VWA8: variants seen among roughly 807,000 people sequenced by gnomAD.
VWA8 encodes von Willebrand factor A domain-containing protein 8.
In VWA8, 221 loss-of-function variants were observed where a neutral mutation model predicts 241.5. The ratio of observed to expected loss-of-function variants is 0.91; its 90% CI spans 0.82 to 1.02. The LOEUF (loss-of-function observed/expected upper bound fraction) is 1.02. Among genes scored for constraint, VWA8 ranks in the 50% least tolerant of loss-of-function variants. The pLI, the probability that VWA8 is intolerant of heterozygous loss-of-function variation, is 0.00. For missense variants in VWA8, 2,322 were observed against 2,328.7 expected, an observed-to-expected ratio of 1.00 and a Z score of 0.06; for synonymous variants, 852 against 827.1, an observed-to-expected ratio of 1.03 and a Z score of -0.52.
chr13:41,818,392 T>C (rs895829475), intron 15 of VWA8, among the ~76,000 whole-genome samples: 2 of 150,946 alleles, frequency 1.3e-5, no homozygotes, highest in Non-Finnish European at 3.0e-5. Flanking sequence ...GCCAACATGG[T>C]GAAACCCCGT....
chr13:41,642,219 G>A (rs2044800113), intron 37 of VWA8, among the ~76,000 whole-genome samples: 1 of 152,160 alleles, frequency 6.6e-6, no homozygotes, highest in African/African-American at 2.4e-5. Context: ...ATAGAAAGAA[G>A]CATACATGCT....
intron 17 of VWA8, among the ~76,000 whole-genome samples, chr13:41,806,105 T>C (rs1870195406): frequency 2.0e-5 from 3 of 151,150 alleles, no homozygotes; most frequent in Admixed American, 2.0e-4. Context: ...CACAAATACA[T>C]GGAAACTAAA....
At chr13:41,782,215 A>G (rs1868918987) in intron 19 of VWA8, among the ~76,000 whole-genome samples, 1 of 152,248 alleles carries the variant, frequency 6.6e-6, no homozygotes, top group African/African-American at 2.4e-5. Context: ...TGTCCATGTC[A>G]CAAACACCAT....
At chr13:41,733,705 T>A (rs1465466887) in intron 21 of VWA8, among the ~76,000 whole-genome samples, 7 of 152,050 alleles carry the variant, frequency 4.6e-5, no homozygotes, top group Admixed American at 4.6e-4. Context: ...TATCCCCCAA[T>A]TCGGCCCTTA....
At chr13:41,569,762 T>C (rs2044287918) in intron 44 of VWA8, among the ~76,000 whole-genome samples, 1 of 152,150 alleles carries the variant, frequency 6.6e-6, no homozygotes, top group African/African-American at 2.4e-5. Flanking sequence ...TAAATGTTAT[T>C]GTGTTCAAGT....
chr13:41,645,592 A>G (rs979226825), intron 37 of VWA8, among the ~76,000 whole-genome samples: 50 of 152,290 alleles, frequency 3.3e-4, no homozygotes, highest in African/African-American at 1.2e-3. Context: ...GAACTCCTGA[A>G]AACATGTTTG....
intron 29 of VWA8, among the ~76,000 whole-genome samples, chr13:41,694,617 AC>A (rs2045203038): frequency 6.6e-6 from 1 of 152,100 alleles, no homozygotes; most frequent in African/African-American, 2.4e-5. Context: ...TTGAATGAGT[AC>A]TTTTTGATGG....
chr13:41,761,039 G>T, intron 21 of VWA8, 89 bp downstream of exon 21: 1 of 1,279,574 alleles, frequency 7.8e-7, no homozygotes, highest in Non-Finnish European at 1.1e-6. Context: ...TATAAAATGG[G>T]CCTCTAAGAA....
At chr13:41,756,805 T>A (rs1476997219) in intron 21 of VWA8, among the ~76,000 whole-genome samples, 1 of 151,720 alleles carries the variant, frequency 6.6e-6, no homozygotes, top group Non-Finnish European at 1.5e-5. Flanking sequence ...TCTAAATTGA[T>A]ACTATACACT....
At chr13:41,885,657 G>A (rs1372498436) in intron 8 of VWA8, among the ~76,000 whole-genome samples, 1 of 152,180 alleles carries the variant, frequency 6.6e-6, no homozygotes, top group East Asian at 1.9e-4. Context: ...TACTTGATCA[G>A]GCTAAAGCCT....
chr13:41,568,397 C>T (rs1424633010), intron 44 of VWA8, 92 bp from the exon 45 acceptor site: 1 of 983,314 alleles, frequency 1.0e-6, no homozygotes, highest in East Asian at 2.4e-5. Flanking sequence ...CTAATGGTTT[C>T]TTAGGAAAGG....
chr13:41,572,583 T>C (rs897444243), intron 43 of VWA8, among the ~76,000 whole-genome samples: 2 of 151,950 alleles, frequency 1.3e-5, no homozygotes, highest in Non-Finnish European at 2.9e-5. Context: ...GTTAAACAGA[T>C]GCTTGAAGGC....
intron 2 of VWA8, among the ~76,000 whole-genome samples, chr13:41,931,666 T>A (rs1315396590): frequency 2.0e-5 from 3 of 151,690 alleles, no homozygotes; most frequent in Non-Finnish European, 2.9e-5. Flanking sequence ...TCTATATATA[T>A]CTCATAACAT....
At chr13:41,699,809 A>G (rs1486490026) in intron 28 of VWA8, among the ~76,000 whole-genome samples, 1 of 152,158 alleles carries the variant, frequency 6.6e-6, no homozygotes, top group East Asian at 1.9e-4. Context: ...TTACTATAAA[A>G]TCTCTGTCTT....
chr13:41,751,657 C>A (rs2045656960), intron 21 of VWA8, among the ~76,000 whole-genome samples: 1 of 77,712 alleles, frequency 1.3e-5, no homozygotes, highest in South Asian at 6.7e-4. Flanking sequence ...TCATTCACTC[C>A]AGGATATTTG....
At position 41,883,477 on chromosome 13, in the gene VWA8, C is replaced by T; in HGVS notation, c.990G>A (p.Met330Ile). 1.9e-6 allele frequency: 3 copies of T among 1,612,966 alleles called. No individual in the cohort carries two copies. The highest frequency in any genetic ancestry group is 2.5e-6 in the Non-Finnish European group (3 of 1,179,328). The change falls in exon 9 of 45, where the codon ATG (methionine) becomes ATA (isoleucine). Residue 330 changes from methionine (M) to isoleucine (I), a missense_variant. Met to Ile is a conservative substitution (Grantham distance 10, BLOSUM62 1). Transcript: ENST00000379310. The part of the protein sequence containing the change: ...AAVQILDSFP[M>I]MPIKHAIQWL... ...ACTGGATTGCATGTTTGATTGGCATCATAGGAAAGGAATCCTATGTAGGAG... is the reference window on the plus strand; with the variant it reads ...ACTGGATTGCATGTTTGATTGGCATTATAGGAAAGGAATCCTATGTAGGAG...
At chr13:41,933,079 T>C (rs927609724) in intron 2 of VWA8, among the ~76,000 whole-genome samples, 18 of 152,090 alleles carry the variant, frequency 1.2e-4, no homozygotes, top group African/African-American at 3.4e-4. Context: ...ATTGTTTATA[T>C]AGAAAATGTG....
chr13:41,652,683 A>G (rs1458975331), intron 37 of VWA8, among the ~76,000 whole-genome samples: 1 of 152,232 alleles, frequency 6.6e-6, no homozygotes, highest in African/African-American at 2.4e-5. Context: ...TGATGGAACC[A>G]GAAAGAGGAT....
intron 37 of VWA8, among the ~76,000 whole-genome samples, chr13:41,656,290 G>A (rs569099683): frequency 1.4e-4 from 22 of 152,288 alleles, no homozygotes; most frequent in African/African-American, 5.3e-4. Context: ...TCCTACGAGG[G>A]TTCTACAGAT....
Sources: allele counts gnomAD v4.1 joint callset (sites outside exome capture counted in the v4.1 genomes callset), GRCh38; gene constraint gnomAD v4.1.1; transcripts MANE v1.5; gene names NCBI Gene and HGNC (gene_info 2026-07-23, HGNC 2026-07-21).